NAT1: variants seen among roughly 807,000 people sequenced by gnomAD.
The protein encoded by NAT1 is arylamine N-acetyltransferase 1.
For missense variants in NAT1, 400 were observed against 339.2 expected, an observed-to-expected ratio of 1.18 and a Z score of -1.41; for synonymous variants, 144 against 122.6, an observed-to-expected ratio of 1.17 and a Z score of -1.16.
intron 1 of NAT1, among the ~76,000 whole-genome samples, chr8:18,213,742 G>A (rs1376586773): frequency 6.6e-6 from 1 of 151,650 alleles, no homozygotes; most frequent in Admixed American, 6.6e-5. Context: ...CAATTCCAGT[G>A]TTGACAGTAC....
chr8:18,217,196 A>G (rs935414230), intron 1 of NAT1, among the ~76,000 whole-genome samples: 1 of 152,162 alleles, frequency 6.6e-6, no homozygotes, highest in Non-Finnish European at 1.5e-5. Flanking sequence ...CACAAAGGAG[A>G]AATTTGGTAT....
chr8:18,178,668 A>G (rs923721769), intron 2 of NAT1, among the ~76,000 whole-genome samples: 6 of 152,182 alleles, frequency 3.9e-5, no homozygotes, highest in African/African-American at 1.4e-4. Context: ...CAAGGCTTTC[A>G]GCAAATCCAT....
rs1271553343 is a variant in NAT1 at position 18,219,490 on chromosome 8, G to T, written c.-7+1G>T. 1.3e-6 allele frequency: 2 copies of T among 1,540,076 alleles called. No homozygotes were observed. Among genetic ancestry groups the T allele is most frequent in the Non-Finnish European group, 1.8e-6 (2 of 1,138,534 alleles). ...ACCTACTTTCAACTTACTAAGAAAG[G>T]TATTAAGCGCCTTTCTGAGAGCTCT... On this transcript the variant is annotated splice_donor_variant, in intron 2 of 2. Transcript: ENST00000307719. LOFTEE classifies it low-confidence loss of function (5UTR_SPLICE).
intron 2 of NAT1, among the ~76,000 whole-genome samples, chr8:18,194,612 G>A (rs543093301): frequency 5.3e-5 from 8 of 152,146 alleles, no homozygotes; most frequent in East Asian, 1.9e-4. Context: ...TTGAGGTCAG[G>A]GGTTTGAGAC....
chr8:18,199,315 C>A (rs965188761), intron 2 of NAT1, among the ~76,000 whole-genome samples: 1 of 132,586 alleles, frequency 7.5e-6, no homozygotes, highest in African/African-American at 3.1e-5. Context: ...AAGACTCTGT[C>A]TCAAAAAAAA....
chr8:18,215,642 T>G (rs1804580983), intron 1 of NAT1, among the ~76,000 whole-genome samples: 1 of 152,234 alleles, frequency 6.6e-6, no homozygotes, highest in Non-Finnish European at 1.5e-5. Context: ...CAGTTTATTT[T>G]TCTTCTTGAA....
At chr8:18,184,119 G>C (rs1802635252) in intron 2 of NAT1, among the ~76,000 whole-genome samples, 1 of 152,150 alleles carries the variant, frequency 6.6e-6, no homozygotes, top group East Asian at 1.9e-4. Flanking sequence ...CCCCACCCCT[G>C]TGACAAGTCT....
intron 2 of NAT1, among the ~76,000 whole-genome samples, chr8:18,191,206 A>C (rs1249973162): frequency 6.6e-6 from 1 of 152,238 alleles, no homozygotes; most frequent in East Asian, 1.9e-4. Flanking sequence ...GGCTCAAGTG[A>C]GCATTTCTGA....
At chr8:18,207,854 T>C (rs1803791122), upstream of NAT1, among the ~76,000 whole-genome samples, 1 of 152,136 alleles carries the variant, frequency 6.6e-6, no homozygotes, top group Non-Finnish European at 1.5e-5. Flanking sequence ...AGCAAAGACA[T>C]GGAATCAACC....
intron 2 of NAT1, among the ~76,000 whole-genome samples, chr8:18,186,829 G>A (rs1239039819): frequency 6.6e-6 from 1 of 152,108 alleles, no homozygotes; most frequent in African/African-American, 2.4e-5. Flanking sequence ...CTTTCGCACA[G>A]CAAAAGAAAC....
At chr8:18,197,199 C>G (rs1457768969) in intron 2 of NAT1, among the ~76,000 whole-genome samples, 1 of 152,210 alleles carries the variant, frequency 6.6e-6, no homozygotes, top group African/African-American at 2.4e-5. Flanking sequence ...GGTCCCTCCA[C>G]TGACATGTGG....
At chr8:18,217,507 A>C (rs1245074860) in intron 1 of NAT1, among the ~76,000 whole-genome samples, 1 of 152,232 alleles carries the variant, frequency 6.6e-6, no homozygotes, top group African/African-American at 2.4e-5. Context: ...GGAAAAATTA[A>C]ATCCACTAAA....
At chr8:18,209,629 T>G (rs1803892737), upstream of NAT1, among the ~76,000 whole-genome samples, 2 of 152,196 alleles carry the variant, frequency 1.3e-5, no homozygotes. Flanking sequence ...CATTGCCCAG[T>G]GCCTTCAGGT....
intron 2 of NAT1, among the ~76,000 whole-genome samples, chr8:18,179,887 T>G (rs528367080): frequency 5.3e-4 from 80 of 152,158 alleles, no homozygotes; most frequent in Non-Finnish European, 9.7e-4. Context: ...TGATTTGCAG[T>G]GTAGAAAGAT....
intron 2 of NAT1, among the ~76,000 whole-genome samples, chr8:18,173,302 G>C (rs1802167264): frequency 6.6e-6 from 1 of 152,128 alleles, no homozygotes; most frequent in Admixed American, 6.6e-5. Flanking sequence ...CTCGTTCCTC[G>C]AATGAGTTCA....
At chr8:18,203,117 G>C (rs1025364124) in intron 2 of NAT1, among the ~76,000 whole-genome samples, 2 of 152,128 alleles carry the variant, frequency 1.3e-5, no homozygotes, top group African/African-American at 4.8e-5. Flanking sequence ...TGTCCAGCTG[G>C]CTCCAGCTCT....
chr8:18,185,257 C>T (rs551852062), intron 2 of NAT1, among the ~76,000 whole-genome samples: 4 of 152,160 alleles, frequency 2.6e-5, no homozygotes, highest in African/African-American at 4.8e-5. Context: ...TAGTACAATT[C>T]GCCAGCAAAG....
chr8:18,216,023 G>A (rs1239884664), intron 1 of NAT1, among the ~76,000 whole-genome samples: 5 of 150,980 alleles, frequency 3.3e-5, no homozygotes, highest in African/African-American at 1.2e-4. Flanking sequence ...GCTGGGTAGG[G>A]AAAATAGTGA....
chr8:18,185,688 T>C (rs1265917280), intron 2 of NAT1, among the ~76,000 whole-genome samples: 2 of 152,110 alleles, frequency 1.3e-5, no homozygotes, highest in African/African-American at 4.8e-5. Flanking sequence ...ATTCCTTGGG[T>C]TTAATTCACA....
Sources: allele counts gnomAD v4.1 joint callset (sites outside exome capture counted in the v4.1 genomes callset), GRCh38; gene constraint gnomAD v4.1.1; transcripts MANE v1.5; gene names NCBI Gene and HGNC (gene_info 2026-07-23, HGNC 2026-07-21).